ST6GALNAC3: variants seen among roughly 807,000 people sequenced by gnomAD.
The protein encoded by ST6GALNAC3 is ST6 N-acetylgalactosaminide alpha-2,6-sialyltransferase 3.
ST6GALNAC3 carries 25 observed loss-of-function variants against 32.7 expected under a neutral mutation model. The ratio of observed to expected loss-of-function variants is 0.76; its 90% CI spans 0.56 to 1.07. The LOEUF (loss-of-function observed/expected upper bound fraction) is 1.07, where lower values mean the gene tolerates loss of function less well. Among genes scored for constraint, ST6GALNAC3 ranks in the 50% least tolerant of loss-of-function variants. The pLI, the probability that ST6GALNAC3 is intolerant of heterozygous loss-of-function variation, is 0.00. For missense variants in ST6GALNAC3, 355 were observed against 382.4 expected (o/e 0.93, Z 0.60); for synonymous variants, 129 against 133.1 (o/e 0.97, Z 0.21).
intron 1 of ST6GALNAC3, among the ~76,000 whole-genome samples, chr1:76,302,575 A>T (rs1488822744): frequency 6.6e-6 from 1 of 152,040 alleles, no homozygotes; most frequent in Non-Finnish European, 1.5e-5. Flanking sequence ...CTTATAGCTG[A>T]TGAACTACTG....
chr1:76,308,486 TTGG>T (rs1319886595), intron 1 of ST6GALNAC3, among the ~76,000 whole-genome samples: 2 of 152,288 alleles, frequency 1.3e-5, no homozygotes, highest in East Asian at 3.9e-4. Flanking sequence ...TTTAATCTAA[TTGG>T]TGGTTGTTAA....
chr1:76,179,223 T>C (rs1398450066), intron 1 of ST6GALNAC3, among the ~76,000 whole-genome samples: 1 of 152,222 alleles, frequency 6.6e-6, no homozygotes, highest in African/African-American at 2.4e-5. Flanking sequence ...CTTTGTGAAG[T>C]AGCACATTGA....
At chr1:76,368,701 G>A (rs1650580331) in intron 2 of ST6GALNAC3, among the ~76,000 whole-genome samples, 2 of 152,164 alleles carry the variant, frequency 1.3e-5, no homozygotes, top group African/African-American at 4.8e-5. Flanking sequence ...TCCTTACTTT[G>A]TTAGGATCAT....
At chr1:76,304,380 C>A (rs1411883546) in intron 1 of ST6GALNAC3, among the ~76,000 whole-genome samples, 1 of 151,986 alleles carries the variant, frequency 6.6e-6, no homozygotes, top group African/African-American at 2.4e-5. Flanking sequence ...TCTTCTTTCT[C>A]CATCCACCCC....
intron 3 of ST6GALNAC3, among the ~76,000 whole-genome samples, chr1:76,443,885 C>T (rs542243174): frequency 5.3e-5 from 8 of 152,298 alleles, no homozygotes; most frequent in Admixed American, 6.5e-5. Context: ...TACTTTCACT[C>T]TCTAGGAAAC....
intron 1 of ST6GALNAC3, among the ~76,000 whole-genome samples, chr1:76,149,992 T>A (rs1256187728): frequency 1.3e-5 from 2 of 152,204 alleles, no homozygotes; most frequent in African/African-American, 4.8e-5. Flanking sequence ...AGGAGGGACA[T>A]GGTGGTGGAA....
intron 3 of ST6GALNAC3, among the ~76,000 whole-genome samples, chr1:76,591,181 ATG>A (rs5775352): frequency 0.17 from 25,726 of 149,410 alleles, 3,031 homozygotes; most frequent in African/African-American, 0.34. Flanking sequence ...CTGTGTGCGT[ATG>A]TGTGTGTGTG....
chr1:76,419,944 C>CTTT (rs66531652), intron 3 of ST6GALNAC3, among the ~76,000 whole-genome samples: 40 of 138,782 alleles, frequency 2.9e-4, no homozygotes, highest in African/African-American at 4.8e-4. Flanking sequence ...TTCTTTCTTT[C>CTTT]TTTTTTTTTT....
At chr1:76,538,473 C>CT (rs1663767899) in intron 3 of ST6GALNAC3, among the ~76,000 whole-genome samples, 2 of 152,118 alleles carry the variant, frequency 1.3e-5, no homozygotes, top group Non-Finnish European at 2.9e-5. Context: ...ACAAGGATGC[C>CT]CTCTCTCACC....
intron 3 of ST6GALNAC3, among the ~76,000 whole-genome samples, chr1:76,587,387 C>A (rs1404904520): frequency 6.6e-6 from 1 of 152,116 alleles, no homozygotes; most frequent in East Asian, 1.9e-4. Flanking sequence ...TTCTCCTCAG[C>A]GCCTGTGTGT....
At chr1:76,514,083 A>G (rs1490039804) in intron 3 of ST6GALNAC3, among the ~76,000 whole-genome samples, 1 of 152,186 alleles carries the variant, frequency 6.6e-6, no homozygotes, top group African/African-American at 2.4e-5. Context: ...TTTTCTATAC[A>G]TAAAATCATG....
chr1:76,447,679 G>A (rs1277771134), intron 3 of ST6GALNAC3, among the ~76,000 whole-genome samples: 1 of 152,116 alleles, frequency 6.6e-6, no homozygotes, highest in East Asian at 1.9e-4. Context: ...AGCTGCTCCA[G>A]CATGGCTAAA....
At chr1:76,408,481 A>G (rs1301228975) in intron 2 of ST6GALNAC3, among the ~76,000 whole-genome samples, 1 of 152,090 alleles carries the variant, frequency 6.6e-6, no homozygotes, top group Non-Finnish European at 1.5e-5. Flanking sequence ...CACATAAACA[A>G]GAGGCTGTTG....
At chr1:76,573,948 A>G (rs1400842829) in intron 3 of ST6GALNAC3, among the ~76,000 whole-genome samples, 1 of 152,048 alleles carries the variant, frequency 6.6e-6, no homozygotes, top group Non-Finnish European at 1.5e-5. Flanking sequence ...TGTCTTTTTC[A>G]TCCAATCTTA....
At chr1:76,544,546 G>T (rs1431773926) in intron 3 of ST6GALNAC3, among the ~76,000 whole-genome samples, 1 of 152,156 alleles carries the variant, frequency 6.6e-6, no homozygotes, top group Non-Finnish European at 1.5e-5. Context: ...AAGTATCAAG[G>T]ATGATTCTCA....
At chr1:76,084,398 G>C (rs1430319440) in intron 1 of ST6GALNAC3, among the ~76,000 whole-genome samples, 1 of 152,204 alleles carries the variant, frequency 6.6e-6, no homozygotes, top group Non-Finnish European at 1.5e-5. Context: ...TCCCAAGGGA[G>C]TGCTGCTTTG....
chr1:76,490,519 T>C lies in ST6GALNAC3; in HGVS notation c.623+78102T>C, dbSNP rs189200458. ...CAATATATTGTATAGATAGTGTGTG[T>C]GTTTCTATGTATCTCAAGTGTTTTG... On this transcript the variant is annotated intron_variant, in intron 3 of 4. Coordinates refer to ENST00000328299, the MANE Select transcript of ST6GALNAC3 (RefSeq NM_152996.4). Among the ~76,000 whole-genome samples the C allele has an allele frequency of 2.1e-3, 318 of 150,224 alleles. 2 individuals are homozygous for C. The highest frequency in any genetic ancestry group is 7.5e-3 in the African/African-American group (308 of 41,272).
intron 1 of ST6GALNAC3, among the ~76,000 whole-genome samples, chr1:76,310,647 G>T (rs1646745149): frequency 6.6e-6 from 1 of 152,176 alleles, no homozygotes; most frequent in Non-Finnish European, 1.5e-5. Flanking sequence ...CCCTAGGAGA[G>T]TCTGCGAAGA....
intron 2 of ST6GALNAC3, among the ~76,000 whole-genome samples, chr1:76,371,044 A>G (rs1650773940): frequency 6.6e-6 from 1 of 152,198 alleles, no homozygotes; most frequent in South Asian, 2.1e-4. Context: ...CCATTAAGTC[A>G]GAAATTCCAG....
Sources: gnomAD v4.1 joint callset for allele counts (sites outside exome capture counted in the v4.1 genomes callset) on GRCh38, gnomAD v4.1.1 for gene constraint, MANE v1.5 for transcripts, NCBI Gene and HGNC (gene_info 2026-07-23, HGNC 2026-07-21) for gene names.